Variants in MIOX observed in about 807,000 individuals in gnomAD.
MIOX encodes the protein inositol oxygenase.
MIOX carries 51 observed loss-of-function variants against 42.7 expected under a neutral mutation model. The ratio of observed to expected loss-of-function variants is 1.19; its 90% CI spans 0.95 to 1.51. The LOEUF is 1.51. MIOX is among the 40% of genes most tolerant of loss of function. The probability of loss-of-function intolerance (pLI) is 0.00; values close to 1 mark genes in which losing one functional copy is unlikely to be tolerated. For synonymous variants in MIOX, 168 were observed against 154.4 expected (o/e 1.09, Z -0.65); for missense variants, 395 against 381.3 (o/e 1.04, Z -0.30).
chr22:50,490,235 A>C lies in MIOX; in HGVS notation c.*379A>C. The C allele has an allele frequency of 3.5e-6, 1 of 283,316 alleles. No homozygotes were observed. 17.6% of individuals were successfully genotyped at this position (283,316 alleles called of 1,614,324 possible). A position where few individuals can be genotyped will look rare whatever the true frequency, so the allele number is the denominator to read the frequency against. On this transcript the variant is annotated 3_prime_UTR_variant, in exon 10 of 10. Transcript: ENST00000216075. ...GACGAGTCACCCAGCTCACCCCCAC[A>C]TGCTCAAAACAGTCACCAAGTCCTC...
rs763961052 is a variant in MIOX, at chr22:50,488,064, G to C, written c.340+16G>C. The stretch of plus-strand genomic sequence containing the variant: ...CCAGACAAGGGTGAGCCCTGGCTGT[G>C]CTGCAGGGGGGCAGGTGCTGCCTCC... On this transcript the variant is annotated intron_variant, in intron 4 of 9. Transcript: ENST00000216075. 11 of 1,612,942 alleles carry C rather than the reference G, an allele frequency of 6.8e-6. No homozygotes were observed. In the South Asian group the frequency reaches 1.2e-4, roughly 18 times the overall value.
chr22:50,487,568 C>G (rs3747273), intron 2 of MIOX, 94 bp from the exon 3 acceptor site: 12 of 1,535,456 alleles, frequency 7.8e-6, no homozygotes, highest in Admixed American at 1.7e-5. Flanking sequence ...GGAACTCCCA[C>G]CCCCATCACA....
chr22:50,489,585 C>A lies in MIOX; in HGVS notation c.690C>A (p.Asp230Glu). 1 of 1,612,578 alleles carries A rather than the reference C, an allele frequency of 6.2e-7. No homozygotes were observed. Among genetic ancestry groups the A allele is most frequent in the Non-Finnish European group, 8.5e-7 (1 of 1,179,860 alleles). The change falls in exon 9 of 10, where the codon GAC becomes GAA. Residue 230 changes from aspartate to glutamate, a missense_variant. Asp to Glu is a conservative substitution (Grantham distance 45). Coordinates refer to ENST00000216075, the MANE Select transcript of MIOX (RefSeq NM_017584.6). ...TCTACCCCTGGCACACGGGCCGCGACTACCAGCAGCTGTGCAGCCAGCAGG... is the reference window on the plus strand; with the variant it reads ...TCTACCCCTGGCACACGGGCCGCGAATACCAGCAGCTGTGCAGCCAGCAGG... ...HSFYPWHTGR[D>E]YQQLCSQQDL...
intron 2 of MIOX, 90 bp downstream of exon 2, chr22:50,487,555 G>T: frequency 3.9e-6 from 6 of 1,540,044 alleles, no homozygotes; most frequent in Admixed American, 1.7e-5. Flanking sequence ...GGGGTGCCCT[G>T]TGGGAACTCC....
chr22:50,488,934 T>TCCCCCCGCGG (rs1391732998), intron 5 of MIOX, 106 bp from the exon 6 acceptor site: 3 of 674,658 alleles, frequency 4.4e-6, no homozygotes, highest in Non-Finnish European at 4.8e-6. Flanking sequence ...CTTCCCCCAC[T>TCCCCCCGCGG]CCCCCCATGG....
rs1332700261 is a variant in MIOX at position 50,489,819 on chromosome 22, T to G, written c.821T>G (p.Leu274Arg). 6.2e-7 allele frequency: 1 copy of G among 1,611,444 alleles called. No homozygotes were observed. The highest frequency in any genetic ancestry group is 8.5e-7 in the Non-Finnish European group (1 of 1,179,900). Residue 274 changes from leucine to arginine, a missense_variant, in exon 10 of 10, where the codon CTC becomes CGC. Transcript: ENST00000216075. ...AAGCTGCGGCCCTACTACCAGGGGC[T>G]CATTGACAAGTACTGCCCTGGCATC... ...VDKLRPYYQG[L>R]IDKYCPGILS...
At position 50,488,056 on chromosome 22, in the gene MIOX, C is replaced by T. The variant is rs2148635163; in HGVS notation, c.340+8C>T. 6.2e-7 allele frequency: 1 copy of T among 1,613,216 alleles called. No individual in the cohort carries two copies. Among genetic ancestry groups the T allele is most frequent in the East Asian group, 2.2e-5 (1 of 44,886 alleles). On this transcript the variant is annotated splice_region_variant and intron_variant, in intron 4 of 9. Transcript: ENST00000216075. ...AGGCCCACCCAGACAAGGGTGAGCC[C>T]TGGCTGTGCTGCAGGGGGGCAGGTG... is the stretch of plus-strand genomic sequence containing the variant.
Position 50,487,949 on chromosome 22 carries a change from G to C in MIOX, c.241G>C (p.Asp81His). Residue 81 changes from aspartate to histidine, a missense_variant, in exon 4 of 10, where the codon GAT becomes CAT. Physicochemically the swap from Asp to His is moderately conservative, Grantham distance 81. Coordinates refer to ENST00000216075, the MANE Select transcript of MIOX (RefSeq NM_017584.6). The part of the protein sequence containing the change: ...MTVMEAVDLL[D>H]GLVDESDPDV... ...AGTCATGGAGGCCGTGGACCTGCTG[G>C]ATGGGCTGGTGGATGAGTCGGACCC... 2 of 1,614,046 alleles carry C rather than the reference G, an allele frequency of 1.2e-6. No homozygotes were observed. The highest frequency in any genetic ancestry group is 1.7e-6 in the Non-Finnish European group (2 of 1,179,950).
Position 50,489,048 on chromosome 22 carries a change from C to T in MIOX, c.417C>T (p.Val139=), listed in dbSNP as rs760351619. Residue 139 remains valine, a synonymous_variant, in exon 6 of 10, where the codon GTC becomes GTT. Coordinates refer to ENST00000216075, the MANE Select transcript of MIOX (RefSeq NM_017584.6). The part of the protein sequence containing the change: ...LALFGEPQWA[V]VGDTFPVGCR... ...CTCCTGTCCCTCTGCAGTGGGCTGT[C>T]GTCGGCGACACCTTCCCCGTCGGAT... 7.6e-6 allele frequency: 12 copies of T among 1,580,756 alleles called. No homozygotes were observed. Among genetic ancestry groups the T allele is most frequent in the Middle Eastern group, 1.7e-4 (1 of 5,996 alleles).
intron 3 of MIOX, 25 bp downstream of exon 3, chr22:50,487,767 C>T: frequency 6.2e-7 from 1 of 1,612,860 alleles, no homozygotes; most frequent in Admixed American, 1.7e-5. Flanking sequence ...CCGCCCCGTG[C>T]AAACGCGGAG....
chr22:50,489,060 C>T lies in MIOX; in HGVS notation c.429C>T (p.Thr143=). 1 of 1,610,956 alleles carries T rather than the reference C, an allele frequency of 6.2e-7. No homozygotes were observed. ...TGCAGTGGGCTGTCGTCGGCGACAC[C>T]TTCCCCGTCGGATGCCGTCCGCAGG... The part of the protein sequence containing the change: ...GEPQWAVVGD[T]FPVGCRPQAS... Residue 143 remains threonine (T), a synonymous_variant, in exon 6 of 10, where the codon ACC becomes ACT. Coordinates refer to ENST00000216075, the MANE Select transcript of MIOX (RefSeq NM_017584.6).
intron 6 of MIOX, 36 bp downstream of exon 6, chr22:50,489,185 T>C (rs1370256142): frequency 1.2e-6 from 2 of 1,611,958 alleles, no homozygotes; most frequent in Non-Finnish European, 1.7e-6. Context: ...CCCCCTTCCC[T>C]GGGCGGCTGC....
chr22:50,489,631 G>A lies in MIOX; in HGVS notation c.736G>A (p.Val246Met), dbSNP rs1013790670. The change falls in exon 9 of 10, where the codon GTG (valine) becomes ATG (methionine). Residue 246 changes from valine to methionine, a missense_variant. Physicochemically the swap from Val to Met is conservative, Grantham distance 21 (BLOSUM62 1). Coordinates refer to ENST00000216075, the MANE Select transcript of MIOX (RefSeq NM_017584.6). ...GCAGGACCTGGCCATGCTGCCCTGG[G>A]TGCGGGAGTTCAAGTACGCCCCGCT... is the stretch of plus-strand genomic sequence containing the variant. ...SQQDLAMLPW[V>M]REFNKFDLYT... The A allele has an allele frequency of 6.2e-7, 1 of 1,611,560 alleles. No individual in the cohort carries two copies. Among genetic ancestry groups the A allele is most frequent in the Non-Finnish European group, 8.5e-7 (1 of 1,179,766 alleles).
chr22:50,486,951 T>C, intron 1 of MIOX, 39 bp downstream of exon 1: 1 of 1,611,680 alleles, frequency 6.2e-7, no homozygotes, highest in Non-Finnish European at 8.5e-7. Context: ...CTCTGCTGAC[T>C]GCTCTCCTGG....
In MIOX at chr22:50,487,485, G is replaced by GC; in HGVS notation, c.96+26dup. ...TACACGGTGAGTACCTTGCCGTCCT[G>GC]CCCCCCTTCTCCCCCATCCACACCC... On this transcript the variant is annotated intron_variant, in intron 2 of 9. Coordinates refer to ENST00000216075, the MANE Select transcript of MIOX (RefSeq NM_017584.6). 1 of 1,609,848 alleles carries GC rather than the reference G, an allele frequency of 6.2e-7. No individual in the cohort carries two copies. Among genetic ancestry groups the GC allele is most frequent in the Non-Finnish European group, 8.5e-7 (1 of 1,177,008 alleles).
In MIOX at chr22:50,488,043, A is replaced by G. The variant is rs940694697; in HGVS notation, c.335A>G (p.Asp112Gly). 37 of 1,613,550 alleles carry G rather than the reference A, an allele frequency of 2.3e-5. No homozygotes were observed. The highest frequency in any genetic ancestry group is 3.0e-5 in the Non-Finnish European group (35 of 1,179,856). ...GAGGGCATCCGGAAGGCCCACCCAG[A>G]CAAGGGTGAGCCCTGGCTGTGCTGC... ...TAEGIRKAHPDKDWFHLVGLL... is the reference protein window; with the variant it reads ...TAEGIRKAHPGKDWFHLVGLL... Residue 112 changes from aspartate (D) to glycine (G), a missense_variant, in exon 4 of 10, where the codon GAC (aspartate) becomes GGC (glycine). Asp to Gly is a moderately conservative substitution (Grantham distance 94). Transcript: ENST00000216075.
chr22:50,487,974 C>T lies in MIOX; in HGVS notation c.266C>T (p.Pro89Leu), dbSNP rs773855400. The change falls in exon 4 of 10, where the codon CCG becomes CTG. Residue 89 changes from proline to leucine, a missense_variant. Transcript: ENST00000216075. The stretch of plus-strand genomic sequence containing the variant: ...GATGGGCTGGTGGATGAGTCGGACC[C>T]GGACGTAGATTTCCCCAACTCCTTC... ...LLDGLVDESD[P>L]DVDFPNSFHA... 29 of 1,613,902 alleles carry T rather than the reference C, an allele frequency of 1.8e-5. No homozygotes were observed. The highest frequency in any genetic ancestry group is 1.3e-4 in the African/African-American group (10 of 74,928).
At position 50,488,009 on chromosome 22, in the gene MIOX, C is replaced by T; in HGVS notation, c.301C>T (p.Gln101Ter). The T allele has an allele frequency of 6.2e-7, 1 of 1,613,926 alleles. No individual in the cohort carries two copies. Among genetic ancestry groups the T allele is most frequent in the Non-Finnish European group, 8.5e-7 (1 of 1,179,934 alleles). The part of the protein sequence containing the change: ...VDFPNSFHAF[Q>*]TAEGIRKAHP... ...TTTCCCCAACTCCTTCCATGCCTTC[C>T]AGACAGCGGAGGGCATCCGGAAGGC... is the stretch of plus-strand genomic sequence containing the variant. Residue 101 changes from glutamine to a stop codon, truncating the protein, a stop_gained, in exon 4 of 10, where the codon CAG (glutamine) becomes TAG (stop). Transcript: ENST00000216075. LOFTEE classifies it high-confidence loss of function.
rs1380876173 is a variant in MIOX at position 50,489,609 on chromosome 22, G to A, written c.714G>A (p.Gln238=). 2 of 1,612,312 alleles carry A rather than the reference G, an allele frequency of 1.2e-6. No individual in the cohort carries two copies. Among genetic ancestry groups the A allele is most frequent in the Non-Finnish European group, 1.7e-6 (2 of 1,179,844 alleles). Residue 238 remains glutamine (Q), a synonymous_variant, in exon 9 of 10, where the codon CAG becomes CAA. Coordinates refer to ENST00000216075, the MANE Select transcript of MIOX (RefSeq NM_017584.6). ...GRDYQQLCSQ[Q]DLAMLPWVRE... The stretch of plus-strand genomic sequence containing the variant: ...ACTACCAGCAGCTGTGCAGCCAGCA[G>A]GACCTGGCCATGCTGCCCTGGGTGC...
Sources: gnomAD v4.1 joint callset for allele counts on GRCh38, gnomAD v4.1.1 for gene constraint, MANE v1.5 for transcripts, NCBI Gene and HGNC (gene_info 2026-07-23, HGNC 2026-07-21) for gene names.